Variants in NSMCE2 observed in about 807,000 individuals in gnomAD.
NSMCE2 encodes NSE2 SUMO ligase component of SMC5/6 complex, also known as E3 SUMO-protein ligase NSE2.
A neutral mutation model predicts 23.8 loss-of-function variants in NSMCE2; 24 were observed. The observed-to-expected ratio is 1.01, with a 90% CI of 0.73 to 1.42. The LOEUF is 1.42. Among genes scored for constraint, NSMCE2 ranks in the 40% most tolerant of loss-of-function variants. The pLI is 0.00. For synonymous variants in NSMCE2, 92 were observed against 94.1 expected (o/e 0.98, Z 0.13); for missense variants, 284 against 296.5 (o/e 0.96, Z 0.31).
intron 5 of NSMCE2, among the ~76,000 whole-genome samples, chr8:125,281,964 C>CT (rs759751672): frequency 3.9e-5 from 6 of 152,134 alleles, no homozygotes; most frequent in Admixed American, 6.5e-5. Context: ...CTTGCAAACT[C>CT]TAACTCCTGC....
intron 5 of NSMCE2, among the ~76,000 whole-genome samples, chr8:125,264,990 T>G (rs1017788947): frequency 2.0e-5 from 3 of 152,094 alleles, no homozygotes; most frequent in African/African-American, 7.2e-5. Flanking sequence ...GTGAGAGTCC[T>G]CACCTCAGGC....
At chr8:125,193,058 A>G (rs1334623715) in intron 5 of NSMCE2, among the ~76,000 whole-genome samples, 1 of 152,240 alleles carries the variant, frequency 6.6e-6, no homozygotes, top group Non-Finnish European at 1.5e-5. Context: ...AATATGCAAC[A>G]TCAATTCAAT....
At chr8:125,227,018 T>C (rs1361208294) in intron 5 of NSMCE2, among the ~76,000 whole-genome samples, 2 of 152,076 alleles carry the variant, frequency 1.3e-5, no homozygotes, top group Non-Finnish European at 2.9e-5. Context: ...GACTCACCAG[T>C]GAGTGCCACA....
At chr8:125,181,007 A>G (rs1352146263) in intron 4 of NSMCE2, among the ~76,000 whole-genome samples, 6 of 152,222 alleles carry the variant, frequency 3.9e-5, no homozygotes, top group Admixed American at 1.3e-4. Context: ...AAGTCCGTCT[A>G]AAGTGTATGG....
chr8:125,282,217 G>A (rs1026619949), intron 5 of NSMCE2, among the ~76,000 whole-genome samples: 2 of 151,804 alleles, frequency 1.3e-5, no homozygotes, highest in African/African-American at 4.8e-5. Flanking sequence ...AGGTTTAAGC[G>A]ATTCTCCTGC....
intron 5 of NSMCE2, among the ~76,000 whole-genome samples, chr8:125,345,144 C>T (rs1049567167): frequency 6.6e-6 from 1 of 151,870 alleles, no homozygotes; most frequent in South Asian, 2.1e-4. Context: ...TGATCGGGGG[C>T]GTAGATGGTT....
intron 5 of NSMCE2, among the ~76,000 whole-genome samples, chr8:125,228,533 G>A (rs1298964209): frequency 6.6e-6 from 1 of 152,218 alleles, no homozygotes; most frequent in African/African-American, 2.4e-5. Context: ...TGGAAGAGCT[G>A]ACATTTGAGC....
At chr8:125,289,072 G>A (rs577587531) in intron 5 of NSMCE2, among the ~76,000 whole-genome samples, 1 of 152,300 alleles carries the variant, frequency 6.6e-6, no homozygotes, top group South Asian at 2.1e-4. Flanking sequence ...TTACAGGCAT[G>A]TGCCACCACA....
At chr8:125,301,764 G>A (rs1316203999) in intron 5 of NSMCE2, among the ~76,000 whole-genome samples, 2 of 150,868 alleles carry the variant, frequency 1.3e-5, no homozygotes, top group South Asian at 2.1e-4. Context: ...CTGGGTTCAA[G>A]CAATTCTCCT....
intron 3 of NSMCE2, among the ~76,000 whole-genome samples, chr8:125,118,769 A>G (rs572575169): frequency 2.6e-5 from 4 of 152,306 alleles, no homozygotes; most frequent in Non-Finnish European, 4.4e-5. Flanking sequence ...TCTTCCAGGA[A>G]TGAGGACTAT....
At chr8:125,355,909 T>A (rs1448742298) in intron 5 of NSMCE2, among the ~76,000 whole-genome samples, 1 of 152,168 alleles carries the variant, frequency 6.6e-6, no homozygotes, top group Non-Finnish European at 1.5e-5. Context: ...AAGCAGCTCA[T>A]GCTCTGTTCA....
At chr8:125,171,877 T>TCACC (rs1444682848) in intron 4 of NSMCE2, among the ~76,000 whole-genome samples, 1 of 152,088 alleles carries the variant, frequency 6.6e-6, no homozygotes, top group Non-Finnish European at 1.5e-5. Context: ...CTGTCCAGAG[T>TCACC]GGTGTGGTAG....
chr8:125,314,483 G>A (rs1354834365), intron 5 of NSMCE2, among the ~76,000 whole-genome samples: 3 of 152,108 alleles, frequency 2.0e-5, no homozygotes, highest in African/African-American at 7.2e-5. Context: ...GTAGAGACGG[G>A]GTTTTGCCAT....
chr8:125,366,652 T>G, intron 7 of NSMCE2, 116 bp from the exon 8 acceptor site: 1 of 701,752 alleles, frequency 1.4e-6, no homozygotes, highest in Non-Finnish European at 2.6e-6. Context: ...AGCTTGGTCC[T>G]GATTTTGACA....
intron 5 of NSMCE2, among the ~76,000 whole-genome samples, chr8:125,187,826 A>G (rs994973324): frequency 1.3e-5 from 2 of 152,202 alleles, no homozygotes; most frequent in Non-Finnish European, 2.9e-5. Context: ...TTAATATGCA[A>G]TATAATTTTG....
At chr8:125,312,149 A>C (rs1445794085) in intron 5 of NSMCE2, among the ~76,000 whole-genome samples, 7 of 152,038 alleles carry the variant, frequency 4.6e-5, no homozygotes, top group Non-Finnish European at 1.0e-4. Context: ...TAAAAACTGT[A>C]GAAATAATGA....
intron 5 of NSMCE2, among the ~76,000 whole-genome samples, chr8:125,195,338 A>C (rs1050288070): frequency 6.6e-6 from 1 of 152,144 alleles, no homozygotes; most frequent in Non-Finnish European, 1.5e-5. Flanking sequence ...AGGGTTGAAA[A>C]TAATCTACTG....
rs1813385983 is a variant in NSMCE2 at position 125,358,531 on chromosome 8, T to A, written c.626+713T>A. ...ACACACACATATATATATCTCACCT[T>A]CCTTCCCCTTCTTCCATGACCACGG... On this transcript the variant is annotated intron_variant, in intron 7 of 7. Transcript: ENST00000287437. Among the ~76,000 whole-genome samples the A allele has an allele frequency of 2.0e-5, 3 of 152,130 alleles. No homozygotes were observed. The South Asian group carries it at 6.2e-4, about 32-fold the overall frequency.
At chr8:125,303,537 A>G (rs560308374) in intron 5 of NSMCE2, among the ~76,000 whole-genome samples, 2 of 152,298 alleles carry the variant, frequency 1.3e-5, no homozygotes, top group African/African-American at 4.8e-5. Context: ...GAAGTATAAT[A>G]CTGGGTGCCA....
Sources: allele counts gnomAD v4.1 joint callset (sites outside exome capture counted in the v4.1 genomes callset), GRCh38; gene constraint gnomAD v4.1.1; transcripts MANE v1.5; gene names NCBI Gene and HGNC (gene_info 2026-07-23, HGNC 2026-07-21).